SERPINE2: variants seen among roughly 807,000 people sequenced by gnomAD.
SERPINE2 encodes the protein serpin family E member 2, also known as glia-derived nexin.
A neutral mutation model predicts 36.3 loss-of-function variants in SERPINE2; 14 were observed. The ratio of observed to expected loss-of-function variants is 0.39; its 90% CI spans 0.25 to 0.60. The LOEUF (loss-of-function observed/expected upper bound fraction) is 0.60. SERPINE2 is among the 20% of genes least tolerant of loss of function. SERPINE2 has a pLI of 0.57. For missense variants in SERPINE2, 418 were observed against 499.6 expected (o/e 0.84, Z 1.56); for synonymous variants, 192 against 191.8 (o/e 1.00, Z -0.01).
At chr2:224,028,005 C>T (rs772144019) in intron 1 of SERPINE2, among the ~76,000 whole-genome samples, 4 of 152,236 alleles carry the variant, frequency 2.6e-5, no homozygotes, top group South Asian at 2.1e-4. Context: ...AATACAGAGA[C>T]GACACAATAG....
At chr2:223,976,196 G>A (rs111899800) in intron 8 of SERPINE2, among the ~76,000 whole-genome samples, 18,533 of 152,166 alleles carry the variant, frequency 0.12, 2,064 homozygotes, top group African/African-American at 0.28. Context: ...TGTCACCCAG[G>A]CTGGAGTACA....
chr2:224,010,243 G>T, intron 1 of SERPINE2: 1 of 499,290 alleles, frequency 2.0e-6, no homozygotes, highest in Non-Finnish European at 2.6e-6. Flanking sequence ...AGAGACATCT[G>T]AATTTTTTCT....
chr2:224,021,013 A>G (rs1011174386), intron 1 of SERPINE2, among the ~76,000 whole-genome samples: 2 of 152,236 alleles, frequency 1.3e-5, no homozygotes, highest in African/African-American at 4.8e-5. Flanking sequence ...GCTCCTAGAC[A>G]TGACTGGTTC....
intron 4 of SERPINE2, among the ~76,000 whole-genome samples, chr2:223,986,592 A>G (rs2106142714): frequency 6.6e-6 from 1 of 152,302 alleles, no homozygotes; most frequent in Non-Finnish European, 1.5e-5. Flanking sequence ...AAATATGGGA[A>G]GTGGTTAATA....
chr2:223,997,781 C>T (rs77068075), intron 3 of SERPINE2, among the ~76,000 whole-genome samples: 1,778 of 152,176 alleles, frequency 0.012, 20 homozygotes, highest in African/African-American at 0.03. Context: ...GAGGCAGATG[C>T]AAAAGCAGGA....
At chr2:224,024,118 C>T (rs973788720) in intron 1 of SERPINE2, among the ~76,000 whole-genome samples, 3 of 152,150 alleles carry the variant, frequency 2.0e-5, no homozygotes, top group Admixed American at 1.3e-4. Context: ...TATAGAAATA[C>T]TTCTAAAGTA....
intron 1 of SERPINE2, chr2:224,030,838 G>T: frequency 2.5e-6 from 1 of 406,242 alleles, no homozygotes; most frequent in Non-Finnish European, 3.3e-6. Context: ...TAAGTTATTC[G>T]CTTGGACTCT....
intron 1 of SERPINE2, among the ~76,000 whole-genome samples, chr2:224,023,217 T>C (rs1385578323): frequency 6.6e-6 from 1 of 152,244 alleles, no homozygotes; most frequent in African/African-American, 2.4e-5. Context: ...TCTTGTTATT[T>C]ATCCGTCTCT....
chr2:223,989,346 T>C (rs188401059), intron 4 of SERPINE2, among the ~76,000 whole-genome samples: 3 of 152,176 alleles, frequency 2.0e-5, no homozygotes, highest in African/African-American at 7.2e-5. Flanking sequence ...TTTGGCAAAG[T>C]GACCCAGAAT....
intron 1 of SERPINE2, among the ~76,000 whole-genome samples, chr2:224,022,334 G>A (rs77763168): frequency 1.9e-3 from 232 of 123,356 alleles, no homozygotes; most frequent in East Asian, 2.3e-3. Flanking sequence ...CCTGTCTCAA[G>A]AAAAAAAAAA....
intron 4 of SERPINE2, among the ~76,000 whole-genome samples, chr2:223,986,888 G>C (rs944422586): frequency 1.3e-5 from 2 of 152,114 alleles, no homozygotes; most frequent in Admixed American, 1.3e-4. Context: ...AGAAGCTGAT[G>C]ACCAGTGGTA....
chr2:223,994,720 G>C (rs1690809493), intron 3 of SERPINE2, among the ~76,000 whole-genome samples: 1 of 152,194 alleles, frequency 6.6e-6, no homozygotes, highest in African/African-American at 2.4e-5. Context: ...GTCTGAGATG[G>C]ACAGTACCTC....
intron 4 of SERPINE2, among the ~76,000 whole-genome samples, chr2:223,991,224 G>A (rs1324434592): frequency 6.6e-6 from 1 of 151,816 alleles, no homozygotes; most frequent in Non-Finnish European, 1.5e-5. Flanking sequence ...TTTGTATTTG[G>A]CTTCTATTTA....
intron 1 of SERPINE2, among the ~76,000 whole-genome samples, chr2:224,004,471 G>C (rs748768950): frequency 2.0e-5 from 3 of 152,112 alleles, no homozygotes; most frequent in Non-Finnish European, 4.4e-5. Flanking sequence ...CGCTGCTCCC[G>C]CTTGGGCTCA....
At chr2:224,038,443 A>G (rs1692598632) in intron 1 of SERPINE2, 6 of 1,525,086 alleles carry the variant, frequency 3.9e-6, no homozygotes, top group Non-Finnish European at 5.3e-6. Context: ...GACACATTAA[A>G]TGCCTAATTC....
At chr2:224,000,221 G>A (rs1296237565) in intron 2 of SERPINE2, among the ~76,000 whole-genome samples, 1 of 152,152 alleles carries the variant, frequency 6.6e-6, no homozygotes, top group Non-Finnish European at 1.5e-5. Context: ...TGTTTCCAAC[G>A]AAGGGAGCAG....
At chr2:224,038,814 C>G (rs1026084934) in intron 1 of SERPINE2, 3 of 387,218 alleles carry the variant, frequency 7.7e-6, no homozygotes, top group Admixed American at 9.0e-5. Context: ...TGGACGCCAC[C>G]CCGGGGCGGC....
At chr2:223,980,167 C>T in intron 7 of SERPINE2, 144 bp downstream of exon 7, 6 of 646,792 alleles carry the variant, frequency 9.3e-6, no homozygotes, top group East Asian at 8.4e-5. Context: ...TCTGTCTGTA[C>T]TCACTGCTGT....
At chr2:223,988,747 C>G (rs1361540004) in intron 4 of SERPINE2, among the ~76,000 whole-genome samples, 1 of 152,094 alleles carries the variant, frequency 6.6e-6, no homozygotes, top group Non-Finnish European at 1.5e-5. Flanking sequence ...ATTGAAAAAC[C>G]TATGTACAAG....
Sources: gnomAD v4.1 joint callset for allele counts (sites outside exome capture counted in the v4.1 genomes callset) on GRCh38, gnomAD v4.1.1 for gene constraint, MANE v1.5 for transcripts, NCBI Gene and HGNC (gene_info 2026-07-23, HGNC 2026-07-21) for gene names.